ASXL3: variants seen among roughly 807,000 people sequenced by gnomAD.
The protein encoded by ASXL3 is putative Polycomb group protein ASXL3.
A neutral mutation model predicts 170.6 loss-of-function variants in ASXL3; 34 were observed. That is an observed-to-expected ratio of 0.20 (90% CI 0.15 to 0.27). ASXL3 has a LOEUF of 0.27. ASXL3 is among the 10% of genes least tolerant of loss of function. ASXL3 has a pLI of 1.00. For missense variants in ASXL3, 2,592 were observed against 2,695.3 expected (o/e 0.96, Z 0.85); for synonymous variants, 1,002 against 989.1 (o/e 1.01, Z -0.24).
chr18:33,703,112 G>A (rs533648208), intron 8 of ASXL3, among the ~76,000 whole-genome samples: 83 of 152,242 alleles, frequency 5.5e-4, no homozygotes, highest in African/African-American at 1.9e-3. Flanking sequence ...TGGTACATTA[G>A]TTGATTTACT....
At chr18:33,614,487 C>T (rs2065388095) in intron 2 of ASXL3, 1 of 152,126 alleles carries the variant, frequency 6.6e-6, no homozygotes, top group African/African-American at 2.4e-5. Context: ...GAATCCACTT[C>T]TTCCATACTC....
Position 33,739,876 on chromosome 18 carries a change from G to A in ASXL3, c.2472G>A (p.Pro824=), listed in dbSNP as rs368115045. ...CTTCCATTGCTCCTGAAGCATTTCCGTCTGAAGATTTGCACAATAAGACCC... is the reference window on the plus strand; with the variant it reads ...CTTCCATTGCTCCTGAAGCATTTCCATCTGAAGATTTGCACAATAAGACCC... The part of the protein sequence containing the change: ...SSSSIAPEAF[P]SEDLHNKTLS... The change falls in exon 11 of 12, where the codon CCG becomes CCA. Residue 824 remains proline, a synonymous_variant. Transcript: ENST00000269197. The A allele has an allele frequency of 1.5e-4, 235 of 1,613,802 alleles. No individual in the cohort carries two copies. The South Asian group carries it at 1.5e-3, about 10-fold the overall frequency.
chr18:33,671,602 C>T, intron 6 of ASXL3, 145 bp from the exon 7 acceptor site: 1 of 613,434 alleles, frequency 1.6e-6, no homozygotes, highest in Non-Finnish European at 2.6e-6. Flanking sequence ...TTTTTATATC[C>T]AGTAGGGGAA....
At chr18:33,725,247 A>G (rs539830193) in intron 8 of ASXL3, among the ~76,000 whole-genome samples, 1 of 152,066 alleles carries the variant, frequency 6.6e-6, no homozygotes, top group Non-Finnish European at 1.5e-5. Context: ...TGCTCTAAAG[A>G]TCCTATTGAT....
rs1419423748 is a variant in ASXL3, at chr18:33,644,774, G to C, written c.138-120G>C. The C allele has an allele frequency of 3.7e-5, 20 of 540,082 alleles. No individual in the cohort carries two copies. In the South Asian group the frequency reaches 7.1e-4, roughly 19 times the overall value. The allele number at this position is 540,082 out of a possible 1,614,324, so 33.5% of individuals were successfully genotyped here. The stretch of plus-strand genomic sequence containing the variant: ...GGTATTTTTAAAAGGCATGCAAAGA[G>C]GTCTTTTTTTAATTATTTTTTTATT... On this transcript the variant is annotated intron_variant, in intron 2 of 11. Coordinates refer to ENST00000269197, the MANE Select transcript of ASXL3 (RefSeq NM_030632.3).
chr18:33,617,143 ATG>A (rs1192616557), intron 2 of ASXL3, among the ~76,000 whole-genome samples: 1 of 152,122 alleles, frequency 6.6e-6, no homozygotes, highest in African/African-American at 2.4e-5. Flanking sequence ...TACTACTCAT[ATG>A]TGTTTTCATA....
chr18:33,586,498 C>T (rs2065035967), intron 1 of ASXL3, among the ~76,000 whole-genome samples: 1 of 151,438 alleles, frequency 6.6e-6, no homozygotes, highest in Non-Finnish European at 1.5e-5. Flanking sequence ...ATTTGTAAAT[C>T]TTAGAGATTT....
At chr18:33,681,541 A>T (rs940420065) in intron 7 of ASXL3, among the ~76,000 whole-genome samples, 2 of 152,020 alleles carry the variant, frequency 1.3e-5, no homozygotes, top group East Asian at 3.9e-4. Context: ...TAATATTTCT[A>T]TCCATCACAC....
At chr18:33,657,947 A>T (rs1328216923) in intron 4 of ASXL3, among the ~76,000 whole-genome samples, 2 of 152,140 alleles carry the variant, frequency 1.3e-5, no homozygotes, top group Non-Finnish European at 2.9e-5. Flanking sequence ...CTTCAGTTTG[A>T]AAAGGACAGG....
rs745560672 is a variant in ASXL3, at chr18:33,743,238, T to G, written c.3390T>G (p.Pro1130=). 1 of 1,613,872 alleles carries G rather than the reference T, an allele frequency of 6.2e-7. No individual in the cohort carries two copies. Among genetic ancestry groups the G allele is most frequent in the Admixed American group, 1.7e-5 (1 of 60,010 alleles). ...AGACCTCTAAAGAGACCCGGTTGCC[T>G]CCTCCGCTCAGCTCAAAGGAAGGGC... is the stretch of plus-strand genomic sequence containing the variant. The part of the protein sequence containing the change: ...LFQTSKETRL[P]PPLSSKEGPP... The change falls in exon 12 of 12, where the codon CCT becomes CCG. Residue 1130 remains proline (P), a synonymous_variant. Transcript: ENST00000269197.
At chr18:33,585,631 C>T (rs1473769190) in intron 1 of ASXL3, among the ~76,000 whole-genome samples, 2 of 152,180 alleles carry the variant, frequency 1.3e-5, no homozygotes, top group Non-Finnish European at 2.9e-5. Flanking sequence ...AGTTTTAAGG[C>T]AAATTTATGC....
intron 8 of ASXL3, among the ~76,000 whole-genome samples, chr18:33,711,132 C>T (rs1045793235): frequency 6.6e-6 from 1 of 152,108 alleles, no homozygotes; most frequent in Non-Finnish European, 1.5e-5. Flanking sequence ...CATGGTTATT[C>T]TTGCATTGAT....
At chr18:33,663,628 A>G (rs1184603458) in intron 5 of ASXL3, among the ~76,000 whole-genome samples, 1 of 152,156 alleles carries the variant, frequency 6.6e-6, no homozygotes, top group Non-Finnish European at 1.5e-5. Context: ...TTCATTTCTT[A>G]AAACTTCTGT....
chr18:33,607,705 G>A (rs1418889891), intron 2 of ASXL3, 29 bp downstream of exon 2: 4 of 1,502,040 alleles, frequency 2.7e-6, no homozygotes, highest in East Asian at 2.4e-5. Context: ...AACATTTTCT[G>A]TTTTCATTAA....
chr18:33,698,333 G>T (rs2066810220), intron 8 of ASXL3, among the ~76,000 whole-genome samples: 1 of 152,122 alleles, frequency 6.6e-6, no homozygotes, highest in African/African-American at 2.4e-5. Flanking sequence ...CCCTAGAACT[G>T]TGACAAAATA....
intron 7 of ASXL3, among the ~76,000 whole-genome samples, chr18:33,674,957 A>G (rs1163862419): frequency 6.6e-6 from 1 of 152,122 alleles, no homozygotes; most frequent in East Asian, 1.9e-4. Context: ...TTAATGCCCT[A>G]TTAGAATCAG....
chr18:33,609,999 C>A (rs2145128655), intron 2 of ASXL3, among the ~76,000 whole-genome samples: 1 of 151,952 alleles, frequency 6.6e-6, no homozygotes, highest in Middle Eastern at 3.4e-3. Context: ...CTTTCTAGTT[C>A]TAATTTGCTT....
intron 2 of ASXL3, among the ~76,000 whole-genome samples, chr18:33,640,536 A>T (rs1041577937): frequency 6.6e-6 from 1 of 152,110 alleles, no homozygotes; most frequent in Non-Finnish European, 1.5e-5. Context: ...ATCTAAGTGT[A>T]CATTATTAAT....
chr18:33,583,680 A>G (rs973519979), intron 1 of ASXL3, among the ~76,000 whole-genome samples: 4 of 152,226 alleles, frequency 2.6e-5, no homozygotes, highest in East Asian at 3.9e-4. Flanking sequence ...TGACAAATTC[A>G]TGAGTAACAG....
Sources: gnomAD v4.1 joint callset for allele counts (sites outside exome capture counted in the v4.1 genomes callset) on GRCh38, gnomAD v4.1.1 for gene constraint, MANE v1.5 for transcripts, NCBI Gene and HGNC (gene_info 2026-07-23, HGNC 2026-07-21) for gene names.